Variants in RIC1 observed in about 807,000 individuals in gnomAD.
The protein encoded by RIC1 is RIC1 partner of RAB6A GEF complex, also known as guanine nucleotide exchange factor subunit RIC1.
Under a neutral mutation model 169.0 loss-of-function variants are expected in RIC1, and 88 were observed. The ratio of observed to expected loss-of-function variants is 0.52; its 90% CI spans 0.44 to 0.62. The LOEUF is 0.62. RIC1 is among the 20% of genes least tolerant of loss of function. The pLI is 0.00. For synonymous variants in RIC1, 790 were observed against 601.5 expected, an observed-to-expected ratio of 1.31 and a Z score of -4.59; for missense variants, 1,877 against 1,725.5, an observed-to-expected ratio of 1.09 and a Z score of -1.56.
At chr9:5,746,287 T>A (rs1825373321) in intron 11 of RIC1, among the ~76,000 whole-genome samples, 1 of 152,154 alleles carries the variant, frequency 6.6e-6, no homozygotes, top group South Asian at 2.1e-4. Context: ...CTTATTTTTT[T>A]AAAAGGGTCA....
intron 2 of RIC1, among the ~76,000 whole-genome samples, chr9:5,670,785 G>A (rs562232270): frequency 2.6e-5 from 4 of 152,262 alleles, no homozygotes; most frequent in East Asian, 1.9e-4. Flanking sequence ...GAACAGAAGC[G>A]CCATAGTTTT....
intron 1 of RIC1, among the ~76,000 whole-genome samples, chr9:5,645,052 G>C (rs1363240476): frequency 3.3e-5 from 5 of 151,638 alleles, no homozygotes; most frequent in Non-Finnish European, 2.9e-5. Context: ...TAGCCATTTC[G>C]CTATACCTAT....
At chr9:5,635,954 T>C (rs922541960) in intron 1 of RIC1, among the ~76,000 whole-genome samples, 1 of 152,242 alleles carries the variant, frequency 6.6e-6, no homozygotes, top group African/African-American at 2.4e-5. Context: ...AAGTTTGTTA[T>C]AGCAGTGTGA....
chr9:5,713,111 T>C (rs1025615565), intron 3 of RIC1: 4 of 152,220 alleles, frequency 2.6e-5, no homozygotes, highest in Admixed American at 2.0e-4. Context: ...ATTATAGGAA[T>C]GTACTTGACT....
chr9:5,662,311 C>T (rs920337263), intron 2 of RIC1, among the ~76,000 whole-genome samples: 3 of 151,994 alleles, frequency 2.0e-5, no homozygotes, highest in Admixed American at 6.6e-5. Context: ...TTTGTCTCTG[C>T]CAGGTTTTGG....
chr9:5,655,877 T>C (rs1007446314), intron 1 of RIC1, among the ~76,000 whole-genome samples: 4 of 152,012 alleles, frequency 2.6e-5, no homozygotes, highest in African/African-American at 9.7e-5. Flanking sequence ...TTTTTTGTTT[T>C]TGTTTTTGAG....
At chr9:5,765,156 G>A (rs898126390) in intron 19 of RIC1, 7 of 332,274 alleles carry the variant, frequency 2.1e-5, no homozygotes, top group African/African-American at 8.5e-5. Context: ...AGAGTCACTG[G>A]GAGAAATAAA....
intron 1 of RIC1, among the ~76,000 whole-genome samples, chr9:5,639,628 G>T (rs1440268348): frequency 6.6e-6 from 1 of 152,170 alleles, no homozygotes; most frequent in Non-Finnish European, 1.5e-5. Flanking sequence ...GATTAAGTCC[G>T]ATGTTTCTTT....
At chr9:5,777,723 A>G (rs1022434037), downstream of RIC1, among the ~76,000 whole-genome samples, 4 of 152,174 alleles carry the variant, frequency 2.6e-5, no homozygotes, top group East Asian at 3.8e-4. Context: ...TGGCTATTCA[A>G]TTGTCAGAGC....
intron 1 of RIC1, among the ~76,000 whole-genome samples, chr9:5,645,985 T>G (rs1486475350): frequency 2.6e-5 from 4 of 151,830 alleles, no homozygotes; most frequent in Non-Finnish European, 5.9e-5. Context: ...CTTTTTTTTT[T>G]AATGTTAAGA....
intron 22 of RIC1, 129 bp downstream of exon 22, chr9:5,769,385 T>C (rs748502086): frequency 6.9e-6 from 11 of 1,594,286 alleles, no homozygotes; most frequent in Non-Finnish European, 9.4e-6. Flanking sequence ...AAAAGCCAAC[T>C]TTTTGTACAT....
intron 2 of RIC1, among the ~76,000 whole-genome samples, chr9:5,661,964 G>A (rs780544270): frequency 2.6e-5 from 4 of 152,010 alleles, no homozygotes; most frequent in African/African-American, 4.8e-5. Context: ...ATTGGCTGTG[G>A]GTTTGTCATA....
intron 2 of RIC1, among the ~76,000 whole-genome samples, chr9:5,672,921 GA>G (rs1385713671): frequency 6.6e-6 from 1 of 152,050 alleles, no homozygotes; most frequent in Non-Finnish European, 1.5e-5. Context: ...TCATAGCCAT[GA>G]AAAAAGAATC....
At position 5,757,325 on chromosome 9, in the gene RIC1, T is replaced by C. The variant is rs748600919; in HGVS notation, c.1866T>C (p.Thr622=). The part of the protein sequence containing the change: ...IERKSDGPNT[T]AGIQVLQEVS... ...TTTGTTTTTACAGTCCAAATACTAC[T>C]GCTGGTATTCAAGTTCTTCAGGAGG... Residue 622 remains threonine (T), a synonymous_variant, in exon 17 of 26, where the codon ACT becomes ACC. Coordinates refer to ENST00000414202, the MANE Select transcript of RIC1 (RefSeq NM_020829.4). 1.2e-6 allele frequency: 2 copies of C among 1,613,964 alleles called. No individual in the cohort carries two copies. The highest frequency in any genetic ancestry group is 1.7e-6 in the Non-Finnish European group (2 of 1,179,934).
At chr9:5,737,481 T>G (rs942737099) in intron 7 of RIC1, among the ~76,000 whole-genome samples, 7 of 145,438 alleles carry the variant, frequency 4.8e-5, no homozygotes, top group Non-Finnish European at 9.5e-5. Context: ...ATCTGAAATT[T>G]GTATACATTA....
chr9:5,652,741 C>A lies in RIC1; in HGVS notation c.145-3842C>A, dbSNP rs376674976. 1.7e-4 allele frequency among the ~76,000 whole-genome samples: 26 copies of A among 151,684 alleles called. No individual in the cohort carries two copies. The East Asian group carries it at 4.8e-3, about 28-fold the overall frequency. ...GCTCTGGCTAGGATTTCCAGTACTG[C>A]GTTGAATAAAAGTGGTGAAAGATAG... On this transcript the variant is annotated intron_variant, in intron 1 of 25. Transcript: ENST00000414202.
chr9:5,751,265 A>C (rs557326529), intron 12 of RIC1, among the ~76,000 whole-genome samples: 1 of 151,906 alleles, frequency 6.6e-6, no homozygotes, highest in South Asian at 2.1e-4. Context: ...AAAAAAGTTG[A>C]AAATGCTTTC....
chr9:5,754,089 A>C (rs1825867822), intron 14 of RIC1, among the ~76,000 whole-genome samples: 1 of 152,136 alleles, frequency 6.6e-6, no homozygotes, highest in Non-Finnish European at 1.5e-5. Context: ...ATCAGTACTT[A>C]TTAGGTGCCT....
intron 1 of RIC1, among the ~76,000 whole-genome samples, chr9:5,646,600 C>T (rs886758787): frequency 2.6e-5 from 4 of 152,218 alleles, no homozygotes; most frequent in African/African-American, 9.6e-5. Flanking sequence ...ATAGGGTATA[C>T]CTTATAGCCA....
Sources: gnomAD v4.1 joint callset for allele counts (sites outside exome capture counted in the v4.1 genomes callset) on GRCh38, gnomAD v4.1.1 for gene constraint, MANE v1.5 for transcripts, NCBI Gene and HGNC (gene_info 2026-07-23, HGNC 2026-07-21) for gene names.